SLC12A6: variants seen among roughly 807,000 people sequenced by gnomAD.
SLC12A6 encodes solute carrier family 12 member 6, also known as K-Cl cotransporter 3.
Under a neutral mutation model 135.3 loss-of-function variants are expected in SLC12A6, and 66 were observed. That is an observed-to-expected ratio of 0.49 (90% CI 0.40 to 0.60). SLC12A6 has a LOEUF of 0.60. Ranked by LOEUF, SLC12A6 falls within the 20% of genes least tolerant of loss-of-function variation. The pLI, the probability that SLC12A6 is intolerant of heterozygous loss-of-function variation, is 0.00. For synonymous variants in SLC12A6, 513 were observed against 508.8 expected, an observed-to-expected ratio of 1.01 and a Z score of -0.11; for missense variants, 1,058 against 1,452.3, an observed-to-expected ratio of 0.73 and a Z score of 4.41.
chr15:34,313,854 C>T (rs1324552752), intron 2 of SLC12A6, among the ~76,000 whole-genome samples: 1 of 151,478 alleles, frequency 6.6e-6, no homozygotes, highest in Non-Finnish European at 1.5e-5. Flanking sequence ...CATCTGCAGT[C>T]TCAGCTACTA....
At position 34,238,225 on chromosome 15, in the gene SLC12A6, A is replaced by G. The variant is rs1891408494; in HGVS notation, c.2802+7T>C. On this transcript the variant is annotated splice_region_variant and intron_variant, in intron 21 of 25. Coordinates refer to ENST00000354181, the MANE Select transcript of SLC12A6 (RefSeq NM_001365088.1). Reference sequence around the variant, plus strand: ...GACTTTTGTAAAAAAAAAGTTGTATAAAATACCTTGTGCTGTTTCAGTAGG... The same window carrying G: ...GACTTTTGTAAAAAAAAAGTTGTATGAAATACCTTGTGCTGTTTCAGTAGG... 6.2e-7 allele frequency: 1 copy of G among 1,607,966 alleles called. No individual in the cohort carries two copies. Among genetic ancestry groups the G allele is most frequent in the African/African-American group, 1.3e-5 (1 of 74,942 alleles).
At chr15:34,236,220 C>CT in intron 23 of SLC12A6, 21 bp from the exon 24 acceptor site, 1 of 1,600,498 alleles carries the variant, frequency 6.2e-7, no homozygotes, top group South Asian at 1.1e-5. Flanking sequence ...AGGTCCAACA[C>CT]AAGTTATTCT....
intron 2 of SLC12A6, among the ~76,000 whole-genome samples, chr15:34,306,335 C>T (rs1406159575): frequency 1.3e-5 from 2 of 152,124 alleles, no homozygotes; most frequent in Non-Finnish European, 1.5e-5. Context: ...GGTCTCCTTA[C>T]ATATGCCAGC....
At chr15:34,266,424 T>C (rs764185998) in intron 3 of SLC12A6, among the ~76,000 whole-genome samples, 1 of 151,802 alleles carries the variant, frequency 6.6e-6, no homozygotes, top group Non-Finnish European at 1.5e-5. Context: ...CACCAAGAAG[T>C]CATGCCAATT....
intron 18 of SLC12A6, 133 bp from the exon 19 acceptor site, chr15:34,240,962 G>A: frequency 1.3e-6 from 1 of 748,828 alleles, no homozygotes; most frequent in South Asian, 1.5e-5. Context: ...AGAGATCACA[G>A]GAGATGACAG....
chr15:34,311,427 T>C (rs1284839908), intron 2 of SLC12A6, among the ~76,000 whole-genome samples: 1 of 152,206 alleles, frequency 6.6e-6, no homozygotes, highest in Admixed American at 6.5e-5. Flanking sequence ...AATGCAATAA[T>C]CAGTAAAACT....
intron 2 of SLC12A6, among the ~76,000 whole-genome samples, chr15:34,301,894 A>G (rs1395420821): frequency 6.6e-6 from 1 of 152,242 alleles, no homozygotes; most frequent in African/African-American, 2.4e-5. Context: ...GAGGCTCTTA[A>G]GCAAACCAGT....
chr15:34,322,025 C>T (rs1023118407), intron 2 of SLC12A6, among the ~76,000 whole-genome samples: 1 of 152,182 alleles, frequency 6.6e-6, no homozygotes, highest in Non-Finnish European at 1.5e-5. Flanking sequence ...TAATATTCTA[C>T]ATCTTGATGG....
intron 4 of SLC12A6, among the ~76,000 whole-genome samples, chr15:34,259,294 T>C (rs146193020): frequency 0.04 from 5,962 of 149,038 alleles, 220 homozygotes; most frequent in African/African-American, 0.1. Flanking sequence ...TGAGCCGAGA[T>C]CGCGCCACTG....
intron 2 of SLC12A6, among the ~76,000 whole-genome samples, chr15:34,320,492 T>A (rs1595568449): frequency 6.6e-6 from 1 of 151,130 alleles, no homozygotes; most frequent in South Asian, 2.1e-4. Context: ...CTAGGAAGGG[T>A]AGGGGGGAAG....
chr15:34,243,621 G>A (rs982983100), intron 16 of SLC12A6, among the ~76,000 whole-genome samples: 5 of 152,122 alleles, frequency 3.3e-5, no homozygotes, highest in Non-Finnish European at 7.4e-5. Context: ...TACAAAGCTA[G>A]GAAATAGTAG....
chr15:34,238,961 G>C lies in SLC12A6; in HGVS notation c.2632+4C>G. 1 of 1,611,456 alleles carries C rather than the reference G, an allele frequency of 6.2e-7. No homozygotes were observed. Among genetic ancestry groups the C allele is most frequent in the South Asian group, 1.1e-5 (1 of 91,026 alleles). On this transcript the variant is annotated splice_donor_region_variant and intron_variant, in intron 20 of 25. Transcript: ENST00000354181. ...TTTAGGTTTGTATGAGAAATGGTTAGTACCAATAAAAGTCTTCCAAGCGCG... is the reference window on the plus strand; with the variant it reads ...TTTAGGTTTGTATGAGAAATGGTTACTACCAATAAAAGTCTTCCAAGCGCG...
intron 4 of SLC12A6, among the ~76,000 whole-genome samples, chr15:34,260,407 C>T (rs969178141): frequency 2.0e-5 from 3 of 152,132 alleles, no homozygotes; most frequent in Admixed American, 6.5e-5. Flanking sequence ...CACAGGCGCC[C>T]GCCACCATGC....
chr15:34,248,158 GCTTC>G (rs1401637885), intron 13 of SLC12A6, among the ~76,000 whole-genome samples: 1 of 152,054 alleles, frequency 6.6e-6, no homozygotes, highest in Non-Finnish European at 1.5e-5. Context: ...TTGCTGTATG[GCTTC>G]CTATTACATG....
chr15:34,310,412 CAAGT>C (rs1163917952), intron 2 of SLC12A6, among the ~76,000 whole-genome samples: 1 of 92,168 alleles, frequency 1.1e-5, no homozygotes, highest in African/African-American at 4.8e-5. Context: ...CTCCTGGGCT[CAAGT>C]GTGTGTGTGT....
intron 2 of SLC12A6, among the ~76,000 whole-genome samples, chr15:34,307,237 T>G (rs981683160): frequency 6.6e-6 from 1 of 152,184 alleles, no homozygotes; most frequent in Non-Finnish European, 1.5e-5. Context: ...TTGACATCCC[T>G]AAATATAAAG....
At chr15:34,235,510 C>A (rs1415452875) in intron 24 of SLC12A6, among the ~76,000 whole-genome samples, 196 bp from the exon 25 acceptor site, 1 of 146,984 alleles carries the variant, frequency 6.8e-6, no homozygotes, top group Non-Finnish European at 1.5e-5. Flanking sequence ...TCTCAGCTCA[C>A]AGCAACCTCC....
intron 3 of SLC12A6, among the ~76,000 whole-genome samples, chr15:34,267,955 T>C (rs919024345): frequency 7.9e-5 from 12 of 152,186 alleles, no homozygotes; most frequent in African/African-American, 2.7e-4. Flanking sequence ...TCCATTTATT[T>C]TCCTTCTCTT....
rs1893074978 is a variant in SLC12A6, at chr15:34,260,908, T to G, written c.411+18A>C. On this transcript the variant is annotated intron_variant, in intron 4 of 25. Coordinates refer to ENST00000354181, the MANE Select transcript of SLC12A6 (RefSeq NM_001365088.1). The stretch of plus-strand genomic sequence containing the variant: ...CTGTTCCTAAAGTCTCAGTCCATAG[T>G]TTTCTCCAAAATATTACCTCAAAGA... 1 of 1,055,268 alleles carries G rather than the reference T, an allele frequency of 9.5e-7. No homozygotes were observed. 65.4% of individuals were successfully genotyped at this position (1,055,268 alleles called of 1,614,324 possible). A position where few individuals can be genotyped will look rare whatever the true frequency, so the allele number is the denominator to read the frequency against.
Sources: gnomAD v4.1 joint callset for allele counts (sites outside exome capture counted in the v4.1 genomes callset) on GRCh38, gnomAD v4.1.1 for gene constraint, MANE v1.5 for transcripts, NCBI Gene and HGNC (gene_info 2026-07-23, HGNC 2026-07-21) for gene names.